Variants in ZNF570 observed in about 807,000 individuals in gnomAD.
ZNF570 encodes the protein zinc finger protein 570.
A neutral mutation model predicts 14.2 loss-of-function variants in ZNF570; 8 were observed. The observed-to-expected ratio is 0.56, with a 90% CI of 0.33 to 1.02. ZNF570 has a LOEUF of 1.02. ZNF570 is among the 50% of genes least tolerant of loss of function. The probability of loss-of-function intolerance (pLI) is 0.03; values close to 1 mark genes in which losing one functional copy is unlikely to be tolerated. For synonymous variants in ZNF570, 202 were observed against 207.6 expected (o/e 0.97, Z 0.23); for missense variants, 559 against 624.9 (o/e 0.89, Z 1.12).
At chr19:37,478,729 A>C (rs2042054698) in intron 4 of ZNF570, among the ~76,000 whole-genome samples, 1 of 151,206 alleles carries the variant, frequency 6.6e-6, no homozygotes. Flanking sequence ...AAAGCTTTTG[A>C]GTTTTAACAA....
intron 2 of ZNF570, among the ~76,000 whole-genome samples, chr19:37,470,763 C>T (rs1600374244): frequency 7.1e-6 from 1 of 141,824 alleles, no homozygotes; most frequent in Admixed American, 7.5e-5. Flanking sequence ...TGCAGTGGCG[C>T]AATATGGCTC....
intron 4 of ZNF570, among the ~76,000 whole-genome samples, chr19:37,479,984 G>A (rs2042068263): frequency 6.6e-6 from 1 of 152,016 alleles, no homozygotes; most frequent in Admixed American, 6.6e-5. Flanking sequence ...ACTATTAATA[G>A]ATTTGGATTT....
At chr19:37,481,587 T>G (rs959032774) in intron 4 of ZNF570, among the ~76,000 whole-genome samples, 5 of 152,240 alleles carry the variant, frequency 3.3e-5, no homozygotes, top group African/African-American at 9.6e-5. Context: ...CTTGCCCTGG[T>G]TATTCTGTAT....
chr19:37,475,877 T>A lies in ZNF570; in HGVS notation c.34-4T>A. On this transcript the variant is annotated splice_polypyrimidine_tract_variant and splice_region_variant and intron_variant, in intron 2 of 4. Coordinates refer to ENST00000330173, the MANE Select transcript of ZNF570 (RefSeq NM_144694.5). Reference sequence around the variant, plus strand: ...ATAAGGTTCTTCCATTTATTTCATTTCAGGAGTTGGTGACCTTCAGAGATG... The same window carrying A: ...ATAAGGTTCTTCCATTTATTTCATTACAGGAGTTGGTGACCTTCAGAGATG... 1 of 1,608,984 alleles carries A rather than the reference T, an allele frequency of 6.2e-7. No individual in the cohort carries two copies. Among genetic ancestry groups the A allele is most frequent in the Non-Finnish European group, 8.5e-7 (1 of 1,178,362 alleles).
intron 3 of ZNF570, 96 bp from the exon 4 acceptor site, chr19:37,476,243 G>A: frequency 6.9e-7 from 1 of 1,450,532 alleles, no homozygotes; most frequent in Non-Finnish European, 9.3e-7. Flanking sequence ...TTTGCTTACT[G>A]TAAACTCCCT....
At chr19:37,477,341 CT>C (rs757151185) in intron 4 of ZNF570, among the ~76,000 whole-genome samples, 138 of 105,646 alleles carry the variant, frequency 1.3e-3, no homozygotes, top group East Asian at 5.8e-3. Context: ...GTATTTGTAA[CT>C]TTTTTTTTTT....
At chr19:37,471,009 A>ATTTTTTTTGTTTTTT (rs2041952575) in intron 2 of ZNF570, among the ~76,000 whole-genome samples, 1 of 84,372 alleles carries the variant, frequency 1.2e-5, no homozygotes, top group Non-Finnish European at 2.1e-5. Context: ...CAGTGAGTAC[A>ATTTTTTTTGTTTTTT]TTTTTTTTTT....
intron 2 of ZNF570, among the ~76,000 whole-genome samples, chr19:37,473,390 G>T (rs1005007058): frequency 5.3e-5 from 8 of 152,120 alleles, no homozygotes; most frequent in African/African-American, 1.9e-4. Context: ...GAAGACAAGG[G>T]CATATGCAGG....
In ZNF570 at chr19:37,470,308, C is replaced by G. The variant is rs755091009; in HGVS notation, c.-47C>G. 1.9e-6 allele frequency: 3 copies of G among 1,614,026 alleles called. No individual in the cohort carries two copies. Among genetic ancestry groups the G allele is most frequent in the African/African-American group, 1.3e-5 (1 of 75,052 alleles). On this transcript the variant is annotated 5_prime_UTR_variant, in exon 2 of 5. In the 5' UTR this introduces an upstream ATG that the reference lacks. Transcript: ENST00000330173. The stretch of plus-strand genomic sequence containing the variant: ...ATGTTCTTTTCCCCATCTCAGTCAT[C>G]TGAGGCCACTGCTATTTCCCAAGAG...
intron 4 of ZNF570, among the ~76,000 whole-genome samples, chr19:37,478,861 C>T (rs536479374): frequency 6.6e-6 from 1 of 151,352 alleles, no homozygotes; most frequent in African/African-American, 2.4e-5. Flanking sequence ...CAAGTTAAAC[C>T]CATCTTTATA....
chr19:37,468,469 G>T (rs533036623), upstream of ZNF570, among the ~76,000 whole-genome samples: 1 of 151,938 alleles, frequency 6.6e-6, no homozygotes, highest in Admixed American at 6.6e-5. Flanking sequence ...TGGGCAAAGC[G>T]CACGGATCAT....
chr19:37,471,247 T>G (rs1405690428), intron 2 of ZNF570, among the ~76,000 whole-genome samples: 3 of 147,824 alleles, frequency 2.0e-5, no homozygotes, highest in East Asian at 2.0e-4. Context: ...TCTCCTGACC[T>G]CGTGATCCGC....
At chr19:37,481,747 TC>T (rs2042090430) in intron 4 of ZNF570, among the ~76,000 whole-genome samples, 1 of 152,154 alleles carries the variant, frequency 6.6e-6, no homozygotes, top group Non-Finnish European at 1.5e-5. Flanking sequence ...TGTTTATTTT[TC>T]TTAAAACTCC....
chr19:37,476,156 G>C, intron 3 of ZNF570, 149 bp downstream of exon 3: 1 of 1,350,216 alleles, frequency 7.4e-7, no homozygotes, highest in Non-Finnish European at 9.9e-7. Context: ...GGATTTGGCA[G>C]TGAACATATT....
chr19:37,474,290 ATATT>A (rs1389892440), intron 2 of ZNF570, among the ~76,000 whole-genome samples: 2 of 152,156 alleles, frequency 1.3e-5, no homozygotes, highest in Non-Finnish European at 2.9e-5. Flanking sequence ...TCATATATAA[ATATT>A]TATACATTTA....
chr19:37,473,062 G>A (rs541415503), intron 2 of ZNF570, among the ~76,000 whole-genome samples: 1 of 152,046 alleles, frequency 6.6e-6, no homozygotes, highest in African/African-American at 2.4e-5. Context: ...CTTTCAATGG[G>A]TTTTGTTTTC....
chr19:37,475,974 A>G lies in ZNF570; in HGVS notation c.127A>G (p.Met43Val). 6.2e-7 allele frequency: 1 copy of G among 1,613,576 alleles called. No homozygotes were observed. Among genetic ancestry groups the G allele is most frequent in the South Asian group, 1.1e-5 (1 of 90,934 alleles). The change falls in exon 3 of 5, where the codon ATG becomes GTG. Residue 43 changes from methionine (M) to valine (V), a missense_variant. Transcript: ENST00000330173. ...SSQRHLYSNV[M>V]LENYRILVSL... is the part of the protein sequence containing the mutation. ...TCAAAGACATCTGTACAGTAATGTG[A>G]TGCTAGAGAACTACAGGATCTTGGT...
chr19:37,472,479 C>T (rs1048321167), intron 2 of ZNF570, among the ~76,000 whole-genome samples: 2 of 152,162 alleles, frequency 1.3e-5, no homozygotes, highest in South Asian at 2.1e-4. Flanking sequence ...CGGTGACTCA[C>T]GCCTGTAATC....
chr19:37,474,236 A>C (rs536533418), intron 2 of ZNF570, among the ~76,000 whole-genome samples: 3 of 152,326 alleles, frequency 2.0e-5, no homozygotes, highest in African/African-American at 7.2e-5. Flanking sequence ...TTGACATAGA[A>C]ATTATTTTTG....
Sources: allele counts gnomAD v4.1 joint callset (sites outside exome capture counted in the v4.1 genomes callset), GRCh38; gene constraint gnomAD v4.1.1; transcripts MANE v1.5; gene names NCBI Gene and HGNC (gene_info 2026-07-23, HGNC 2026-07-21).